The following TRAPPC9 variants were observed in gnomAD, a reference collection of about 807,000 sequenced individuals.
TRAPPC9 encodes the protein trafficking protein particle complex subunit 9.
A neutral mutation model predicts 124.0 loss-of-function variants in TRAPPC9; 83 were observed. That is an observed-to-expected ratio of 0.67 (90% CI 0.56 to 0.80). TRAPPC9 has a LOEUF of 0.80. Among genes scored for constraint, TRAPPC9 ranks in the 30% least tolerant of loss-of-function variants. TRAPPC9 has a pLI of 0.00. For synonymous variants in TRAPPC9, 638 were observed against 617.5 expected, an observed-to-expected ratio of 1.03 and a Z score of -0.49; for missense variants, 1,302 against 1,508.3, an observed-to-expected ratio of 0.86 and a Z score of 2.27.
intron 21 of TRAPPC9, among the ~76,000 whole-genome samples, chr8:139,832,193 A>G (rs1826038437): frequency 1.3e-5 from 2 of 152,198 alleles, no homozygotes. Flanking sequence ...CATCAGATCA[A>G]GTCTGATACC....
chr8:139,887,932 C>T (rs1830116073), intron 20 of TRAPPC9, among the ~76,000 whole-genome samples: 2 of 152,244 alleles, frequency 1.3e-5, no homozygotes, highest in African/African-American at 4.8e-5. Context: ...TTCAGCAGCA[C>T]AGCCCGTAGC....
At chr8:139,818,071 T>A (rs1170075229) in intron 21 of TRAPPC9, among the ~76,000 whole-genome samples, 2 of 152,190 alleles carry the variant, frequency 1.3e-5, no homozygotes, top group Admixed American at 1.3e-4. Flanking sequence ...CTATCCTGAT[T>A]TCATGGATGA....
intron 16 of TRAPPC9, among the ~76,000 whole-genome samples, chr8:140,244,391 T>C (rs929260106): frequency 1.3e-5 from 2 of 152,226 alleles, no homozygotes; most frequent in Admixed American, 6.5e-5. Flanking sequence ...CCACAGTTAA[T>C]TATCATGTCT....
chr8:140,458,506 C>A, upstream of TRAPPC9: 1 of 1,581,392 alleles, frequency 6.3e-7, no homozygotes, highest in Non-Finnish European at 8.6e-7. Flanking sequence ...GGTGCGAGCC[C>A]CAGCCTGGGC....
At chr8:140,256,543 C>A (rs1056437487) in intron 15 of TRAPPC9, among the ~76,000 whole-genome samples, 2 of 152,160 alleles carry the variant, frequency 1.3e-5, no homozygotes, top group African/African-American at 2.4e-5. Flanking sequence ...CCGGGCAGGC[C>A]CACCTGCTTC....
chr8:139,731,467 T>C (rs1011429659), intron 22 of TRAPPC9, among the ~76,000 whole-genome samples: 4 of 150,234 alleles, frequency 2.7e-5, no homozygotes, highest in African/African-American at 7.4e-5. Flanking sequence ...GGGTCAGGAG[T>C]GTGGGAGGGT....
chr8:140,291,477 T>C (rs904034313), intron 11 of TRAPPC9, among the ~76,000 whole-genome samples: 1 of 152,196 alleles, frequency 6.6e-6, no homozygotes, highest in East Asian at 1.9e-4. Context: ...TCCCCTAAGA[T>C]TGTGAGAGGG....
intron 17 of TRAPPC9, among the ~76,000 whole-genome samples, chr8:140,053,128 T>A (rs938137733): frequency 2.0e-5 from 3 of 152,198 alleles, no homozygotes; most frequent in Non-Finnish European, 2.9e-5. Context: ...GGCAAACACA[T>A]AATCATTGAA....
At chr8:139,893,727 C>T (rs145702516) in intron 20 of TRAPPC9, among the ~76,000 whole-genome samples, 10 of 152,228 alleles carry the variant, frequency 6.6e-5, no homozygotes, top group Non-Finnish European at 1.0e-4. Context: ...GGCTCCCTGA[C>T]GATCTACTCT....
At chr8:140,124,799 C>A (rs2061055048) in intron 17 of TRAPPC9, among the ~76,000 whole-genome samples, 2 of 152,130 alleles carry the variant, frequency 1.3e-5, no homozygotes, top group African/African-American at 4.8e-5. Context: ...GCAGCATATA[C>A]CTGGCAGTAA....
intron 21 of TRAPPC9, among the ~76,000 whole-genome samples, chr8:139,881,589 C>T (rs1444208355): frequency 1.3e-5 from 2 of 151,906 alleles, no homozygotes; most frequent in African/African-American, 2.4e-5. Flanking sequence ...TGAAGTGCTG[C>T]GTCTCAAACC....
chr8:139,885,331 C>T (rs1338481714), intron 21 of TRAPPC9, among the ~76,000 whole-genome samples: 2 of 152,184 alleles, frequency 1.3e-5, no homozygotes, highest in African/African-American at 4.8e-5. Context: ...CCAGTAATGG[C>T]GTTCTCTTGG....
intron 19 of TRAPPC9, among the ~76,000 whole-genome samples, chr8:139,938,747 G>A (rs1435118895): frequency 6.6e-6 from 1 of 150,904 alleles, no homozygotes; most frequent in African/African-American, 2.4e-5. Context: ...CCGGGTTCAC[G>A]CCATTCTCCT....
intron 17 of TRAPPC9, among the ~76,000 whole-genome samples, chr8:140,149,728 C>T (rs1367949927): frequency 2.0e-5 from 3 of 152,062 alleles, no homozygotes; most frequent in Non-Finnish European, 1.5e-5. Context: ...CTGTCTGACT[C>T]GAATGTACGT....
chr8:140,147,547 T>C (rs143298906), intron 17 of TRAPPC9, among the ~76,000 whole-genome samples: 89 of 152,330 alleles, frequency 5.8e-4, no homozygotes, highest in African/African-American at 2.1e-3. Flanking sequence ...ATATTTATTA[T>C]ACATGGATAA....
chr8:140,370,405 C>T (rs1210724922), intron 8 of TRAPPC9, among the ~76,000 whole-genome samples: 2 of 152,120 alleles, frequency 1.3e-5, no homozygotes, highest in African/African-American at 4.8e-5. Flanking sequence ...TCCCAAAGTG[C>T]TGGGGATTAC....
At chr8:140,458,376 CCT>C, upstream of TRAPPC9, 4 of 1,597,788 alleles carry the variant, frequency 2.5e-6, no homozygotes, top group Non-Finnish European at 3.4e-6. Context: ...TGCGGCACCC[CCT>C]GTGACCCTCA....
intron 9 of TRAPPC9, among the ~76,000 whole-genome samples, chr8:140,345,860 G>C (rs1323329532): frequency 6.6e-6 from 1 of 152,206 alleles, no homozygotes; most frequent in Non-Finnish European, 1.5e-5. Context: ...CTGGGGTGGA[G>C]ACTCCTGGAG....
At chr8:139,744,056 C>T (rs193130507) in intron 21 of TRAPPC9, among the ~76,000 whole-genome samples, 528 of 152,344 alleles carry the variant, frequency 3.5e-3, no homozygotes, top group African/African-American at 0.011. Flanking sequence ...GCCACCGCCA[C>T]ACACGTTCAC....
Sources: allele counts gnomAD v4.1 joint callset (sites outside exome capture counted in the v4.1 genomes callset), GRCh38; gene constraint gnomAD v4.1.1; transcripts MANE v1.5; gene names NCBI Gene and HGNC (gene_info 2026-07-23, HGNC 2026-07-21).